Variants in ASB11 observed in about 807,000 individuals in gnomAD.
ASB11 encodes ankyrin repeat and SOCS box protein 11.
In ASB11, 17 loss-of-function variants were observed where a neutral mutation model predicts 20.1. The ratio of observed to expected loss-of-function variants is 0.85; its 90% confidence interval spans 0.58 to 1.27. ASB11 has a LOEUF of 1.27. Among genes scored for constraint, ASB11 ranks in the 50% most tolerant of loss-of-function variants. The pLI, the probability that ASB11 is intolerant of heterozygous loss-of-function variation, is 0.00. For synonymous variants in ASB11, 107 were observed against 105.6 expected (o/e 1.01, Z -0.08); for missense variants, 259 against 256.9 (o/e 1.01, Z -0.06).
At chrX:15,288,404 TTA>T (rs1270121590) in intron 5 of ASB11, among the ~76,000 whole-genome samples, 1 of 111,932 alleles carries the variant, frequency 8.9e-6, no homozygotes, top group Non-Finnish European at 1.9e-5. Flanking sequence ...TATTTAGTAT[TTA>T]TATTATTTGG....
intron 6 of ASB11, among the ~76,000 whole-genome samples, chrX:15,286,721 C>T (rs1302763601): frequency 9.4e-6 from 1 of 106,358 alleles, no homozygotes; most frequent in Non-Finnish European, 1.9e-5. Context: ...CAGAATCCTA[C>T]CTAATTCTAT....
rs372305999 is a variant in ASB11, at chrX:15,284,112, T to C, written c.848-483A>G. On this transcript the variant is annotated intron_variant, in intron 6 of 6. Coordinates refer to ENST00000480796, the MANE Select transcript of ASB11 (RefSeq NM_080873.3). ...CTAAAAATACAAAAAATTAGCCGGG[T>C]GTGGTGGCGGGTGCCTATAGTCCCA... Among the ~76,000 whole-genome samples the C allele has an allele frequency of 5.1e-3, 533 of 104,653 alleles. 4 individuals carry two copies. Among genetic ancestry groups the C allele is most frequent in the Middle Eastern group, 9.5e-3 (2 of 210 alleles). The allele number at this position is 104,653 out of a possible 115,157, so 90.9% of individuals were successfully genotyped here. A position where few individuals can be genotyped will look rare whatever the true frequency, so the allele number is the denominator to read the frequency against.
chrX:15,289,547 G>A lies in ASB11; in HGVS notation c.612C>T (p.Cys204=), dbSNP rs184984172. The A allele has an allele frequency of 8.3e-7, 1 of 1,207,406 alleles. No individual in the cohort carries two copies. Among genetic ancestry groups the A allele is most frequent in the East Asian group, 3.0e-5 (1 of 33,744 alleles). ...PQLGTPLYVA[C]TYQRVDCVKK... is the part of the protein sequence containing the mutation. ...TCACACAGTCTACCCTCTGGTAGGTGCAGGCCACATATAGGGGAGTTCCGA... is the reference window on the plus strand; with the variant it reads ...TCACACAGTCTACCCTCTGGTAGGTACAGGCCACATATAGGGGAGTTCCGA... Residue 204 remains cysteine (C), a synonymous_variant, in exon 5 of 7, where the codon TGC becomes TGT. Transcript: ENST00000480796.
intron 1 of ASB11, among the ~76,000 whole-genome samples, chrX:15,315,155 G>A (rs747360176): frequency 1.6e-3 from 177 of 111,823 alleles, no homozygotes; most frequent in Non-Finnish European, 2.9e-3. Flanking sequence ...TAGTAGAAAT[G>A]AAGTTTCTCA....
Position 15,289,655 on chromosome X carries a change from T to C in ASB11, c.521-17A>G, listed in dbSNP as rs764362899. 5.0e-6 allele frequency: 6 copies of C among 1,197,732 alleles called. No homozygotes were observed. In the East Asian group the frequency reaches 1.5e-4, roughly 30 times the overall value. On this transcript the variant is annotated splice_polypyrimidine_tract_variant and intron_variant, in intron 4 of 6. Coordinates refer to ENST00000480796, the MANE Select transcript of ASB11 (RefSeq NM_080873.3). Reference sequence around the variant, plus strand: ...CTCTGTGACCTGGTGGAACACAAGATACCCTCACTCAAGTAAGGGACATAT... The same window carrying C: ...CTCTGTGACCTGGTGGAACACAAGACACCCTCACTCAAGTAAGGGACATAT...
At chrX:15,310,562 C>T (rs1417851339) in intron 1 of ASB11, among the ~76,000 whole-genome samples, 1 of 112,409 alleles carries the variant, frequency 8.9e-6, no homozygotes, top group African/African-American at 3.2e-5. Context: ...GTATATATTT[C>T]AATAACATTG....
chrX:15,315,566 A>G lies in ASB11; in HGVS notation c.40T>C (p.Phe14Leu). 3 of 1,189,382 alleles carry G rather than the reference A, an allele frequency of 2.5e-6. No homozygotes were observed. Among genetic ancestry groups the G allele is most frequent in the East Asian group, 6.0e-5 (2 of 33,459 alleles). ...GPVFYGFKNI[F>L]ITMFATFFFF... ...AAAAACGTAGCAAACATTGTAATAA[A>G]AATGTTTTTAAAGCCATAGAAAACA... is the stretch of plus-strand genomic sequence containing the variant. Residue 14 changes from phenylalanine (F) to leucine (L), a missense_variant, in exon 1 of 7, where the codon TTT becomes CTT. By Grantham distance (22) the Phe-to-Leu change is conservative. Transcript: ENST00000480796.
intron 2 of ASB11, among the ~76,000 whole-genome samples, chrX:15,299,918 A>G: frequency 9.0e-6 from 1 of 111,073 alleles, no homozygotes; most frequent in Non-Finnish European, 1.9e-5. Flanking sequence ...CTCTGGCTGC[A>G]TCCTTGCTGT....
intron 1 of ASB11, among the ~76,000 whole-genome samples, chrX:15,313,754 T>G (rs1921513934): frequency 9.0e-6 from 1 of 111,392 alleles, no homozygotes; most frequent in Non-Finnish European, 1.9e-5. Flanking sequence ...TATACCTTTT[T>G]TAAGAGTGCA....
chrX:15,301,741 C>T (rs775688249), intron 2 of ASB11, among the ~76,000 whole-genome samples: 60 of 112,562 alleles, frequency 5.3e-4, no homozygotes, highest in Non-Finnish European at 1.0e-3. Flanking sequence ...CAGGCCCCTA[C>T]TCATTTTTCA....
rs778177113 is a variant in ASB11 at position 15,302,665 on chromosome X, C to G, written c.261+63G>C. 7.3e-6 allele frequency: 8 copies of G among 1,090,662 alleles called. No homozygotes were observed. The African/African-American group carries it at 1.3e-4, about 17-fold the overall frequency. The allele number at this position is 1,090,662 out of a possible 1,213,427, so 89.9% of individuals were successfully genotyped here. A position where few individuals can be genotyped will look rare whatever the true frequency, so the allele number is the denominator to read the frequency against. ...AGCCACACCTCTGCTACAGCCAAAG[C>G]TAATAAAGAATGATGTGTAATTATA... On this transcript the variant is annotated intron_variant, in intron 2 of 6. Coordinates refer to ENST00000480796, the MANE Select transcript of ASB11 (RefSeq NM_080873.3).
intron 1 of ASB11, among the ~76,000 whole-genome samples, chrX:15,310,116 T>C (rs1396009836): frequency 9.1e-6 from 1 of 110,448 alleles, no homozygotes; most frequent in African/African-American, 3.3e-5. Flanking sequence ...AGAACCCTTT[T>C]CCAGAAACTG....
chrX:15,310,975 G>A (rs968547826), intron 1 of ASB11, among the ~76,000 whole-genome samples: 4 of 111,684 alleles, frequency 3.6e-5, no homozygotes, highest in South Asian at 3.7e-4. Context: ...CAATAAGAGC[G>A]AAACTCCAAC....
Position 15,282,992 on chromosome X carries a change from G to A in ASB11, c.*513C>T, listed in dbSNP as rs867237680. On this transcript the variant is annotated 3_prime_UTR_variant, in exon 7 of 7. Transcript: ENST00000480796. ...TATATATATACGTATATATATATAC[G>A]TATATGTATGTATATATATATACGT... The A allele has an allele frequency of 2.9e-5, 3 of 101,736 alleles. No homozygotes were observed. Among genetic ancestry groups the A allele is most frequent in the African/African-American group, 7.3e-5 (2 of 27,303 alleles). 8.4% of individuals were successfully genotyped at this position (101,736 alleles called of 1,213,427 possible). A position where few individuals can be genotyped will look rare whatever the true frequency, so the allele number is the denominator to read the frequency against.
intron 2 of ASB11, among the ~76,000 whole-genome samples, chrX:15,298,543 C>T (rs1047777178): frequency 6.3e-5 from 7 of 111,133 alleles, no homozygotes; most frequent in Admixed American, 4.8e-4. Flanking sequence ...TGCTAGGCTG[C>T]GGAGGGTCTG....
chrX:15,292,308 T>A (rs1468328222), intron 4 of ASB11, among the ~76,000 whole-genome samples: 1 of 112,088 alleles, frequency 8.9e-6, no homozygotes, highest in Non-Finnish European at 1.9e-5. Flanking sequence ...AAATAAAATA[T>A]TTCATCTCCA....
intron 1 of ASB11, among the ~76,000 whole-genome samples, chrX:15,312,986 G>A (rs928200118): frequency 1.8e-5 from 2 of 111,740 alleles, no homozygotes; most frequent in African/African-American, 3.3e-5. Context: ...ATTTTGTGGG[G>A]CGGGGGAAGA....
At position 15,315,626 on chromosome X, in the gene ASB11, G is replaced by A. The variant is rs1378617451; in HGVS notation, c.-21C>T. On this transcript the variant is annotated 5_prime_UTR_variant, in exon 1 of 7. Transcript: ENST00000480796. ...TCCATTTTGGCTTATGCTCTGTATAGGGTCCTAGGACTGTAAAATTTCACT... is the reference window on the plus strand; with the variant it reads ...TCCATTTTGGCTTATGCTCTGTATAAGGTCCTAGGACTGTAAAATTTCACT... The A allele has an allele frequency of 7.2e-6, 8 of 1,107,643 alleles. No individual in the cohort carries two copies. Among genetic ancestry groups the A allele is most frequent in the Non-Finnish European group, 9.6e-6 (8 of 833,679 alleles). The allele number at this position is 1,107,643 out of a possible 1,213,427, so 91.3% of individuals were successfully genotyped here.
rs975914255 is a variant in ASB11 at position 15,315,474 on chromosome X, A to G, written c.132T>C (p.Asn44=). 3.5e-6 allele frequency: 4 copies of G among 1,158,050 alleles called. No individual in the cohort carries two copies. In the African/African-American group the frequency reaches 7.3e-5, roughly 21 times the overall value. The change falls in exon 1 of 7, where the codon AAT becomes AAC. Residue 44 remains asparagine, a synonymous_variant. Transcript: ENST00000480796. The part of the protein sequence containing the change: ...LLTHFYIVKG[N]RKEAARIAEE... ...CTGCTATCCTAGCCGCTTCTTTTCTATTTCCTTTGACGATATAGAAATGGG... is the reference window on the plus strand; with the variant it reads ...CTGCTATCCTAGCCGCTTCTTTTCTGTTTCCTTTGACGATATAGAAATGGG...
Sources: gnomAD v4.1 joint callset for allele counts (sites outside exome capture counted in the v4.1 genomes callset) on GRCh38, gnomAD v4.1.1 for gene constraint, MANE v1.5 for transcripts, NCBI Gene and HGNC (gene_info 2026-07-23, HGNC 2026-07-21) for gene names.